The following RBFOX3 variants were observed in gnomAD, a reference collection of about 807,000 sequenced individuals.
RBFOX3 encodes the protein RNA binding fox-1 homolog 3, also known as RNA binding protein fox-1 homolog 3.
In RBFOX3, 17 loss-of-function variants were observed where a neutral mutation model predicts 48.7. That is an observed-to-expected ratio of 0.35 (90% CI 0.24 to 0.52). RBFOX3 has a LOEUF of 0.52. RBFOX3 is among the 20% of genes least tolerant of loss of function. The pLI is 0.94. For synonymous variants in RBFOX3, 212 were observed against 209.5 expected (o/e 1.01, Z -0.10); for missense variants, 382 against 497.5 (o/e 0.77, Z 2.21).
At chr17:79,286,238 C>T (rs73409899) in intron 3 of RBFOX3, among the ~76,000 whole-genome samples, 9,502 of 152,184 alleles carry the variant, frequency 0.062, 1,008 homozygotes, top group African/African-American at 0.22. Context: ...TCATAGTGGC[C>T]ACCTGGAACT....
At chr17:79,110,758 A>G (rs906068451) in intron 5 of RBFOX3, among the ~76,000 whole-genome samples, 6 of 152,156 alleles carry the variant, frequency 3.9e-5, no homozygotes, top group Non-Finnish European at 2.9e-5. Context: ...GTGGCATTTG[A>G]AGAACACAGG....
intron 4 of RBFOX3, among the ~76,000 whole-genome samples, chr17:79,223,998 C>T (rs542265054): frequency 9.2e-5 from 14 of 152,154 alleles, no homozygotes; most frequent in Admixed American, 6.5e-4. Context: ...ATGGCAAGCA[C>T]GATGGAAGGC....
intron 1 of RBFOX3, among the ~76,000 whole-genome samples, chr17:79,524,651 C>T (rs1259756095): frequency 6.6e-6 from 1 of 152,052 alleles, no homozygotes; most frequent in Non-Finnish European, 1.5e-5. Context: ...GGAGCAGGCA[C>T]GGGCACTGGG....
At chr17:79,620,434 CACAT>C in the RBFOX3 span, among the ~76,000 whole-genome samples, 1 of 145,082 alleles carries the variant, frequency 6.9e-6, no homozygotes, top group African/African-American at 2.5e-5. Context: ...CGCACGTGCA[CACAT>C]GCACATGCAC....
chr17:79,380,933 C>T (rs1218964295), intron 2 of RBFOX3, among the ~76,000 whole-genome samples: 1 of 152,204 alleles, frequency 6.6e-6, no homozygotes, highest in East Asian at 1.9e-4. Context: ...GGGAGCCACA[C>T]ATATAATTTT....
At chr17:79,228,806 A>C (rs1383554053) in intron 4 of RBFOX3, among the ~76,000 whole-genome samples, 1 of 152,178 alleles carries the variant, frequency 6.6e-6, no homozygotes, top group African/African-American at 2.4e-5. Flanking sequence ...GCGCTAGTCC[A>C]AACACGTGTG....
At chr17:79,203,487 G>T (rs2057076374) in intron 4 of RBFOX3, among the ~76,000 whole-genome samples, 1 of 37,510 alleles carries the variant, frequency 2.7e-5, no homozygotes, top group Non-Finnish European at 5.1e-5. Flanking sequence ...GAAGGGGCGT[G>T]TAAGGACTGT....
rs1449587956 is a variant in RBFOX3 at position 79,390,887 on chromosome 17, G to A, written c.-174-83063C>T. Among the ~76,000 whole-genome samples, 1 of 152,154 alleles carries A rather than the reference G, an allele frequency of 6.6e-6. No homozygotes were observed. The highest frequency in any genetic ancestry group is 2.4e-5 in the African/African-American group (1 of 41,424). On this transcript the variant is annotated intron_variant, in intron 2 of 14. Coordinates refer to ENST00000693108, the MANE Select transcript of RBFOX3 (RefSeq NM_001350451.2). This position sits in a 1 kb window ranked among gnomAD's most constrained non-coding sequence, Gnocchi z 4.2. ...TTCCTGCCCAGACACCTCGGGATGAGCCCCTGGTGGGACTGCTCGGGTGCC... is the reference window on the plus strand; with the variant it reads ...TTCCTGCCCAGACACCTCGGGATGAACCCCTGGTGGGACTGCTCGGGTGCC...
At chr17:79,101,347 C>T (rs1022403291) in intron 9 of RBFOX3, among the ~76,000 whole-genome samples, 14 of 152,180 alleles carry the variant, frequency 9.2e-5, no homozygotes, top group Admixed American at 9.2e-4. Context: ...AGTGAGACTC[C>T]AGCTATGGCT....
chr17:79,570,106 G>T (rs1383401265), intron 1 of RBFOX3, among the ~76,000 whole-genome samples: 1 of 150,338 alleles, frequency 6.7e-6, no homozygotes, highest in Admixed American at 6.6e-5. Flanking sequence ...TGGATGGATG[G>T]ATAGGTAGAT....
At chr17:79,110,555 G>A (rs150745719) in intron 5 of RBFOX3, among the ~76,000 whole-genome samples, 2,949 of 152,296 alleles carry the variant, frequency 0.019, 62 homozygotes, top group Admixed American at 0.052. Context: ...CGACAGCGCC[G>A]TCTCCCTTCG....
intron 4 of RBFOX3, among the ~76,000 whole-genome samples, chr17:79,119,124 T>C (rs565382350): frequency 6.6e-6 from 1 of 152,164 alleles, no homozygotes; most frequent in South Asian, 2.1e-4. Context: ...TGCCAATCAC[T>C]CTCACTTGAG....
intron 3 of RBFOX3, among the ~76,000 whole-genome samples, chr17:79,269,396 A>G (rs2067274665): frequency 6.6e-6 from 1 of 152,156 alleles, no homozygotes; most frequent in Non-Finnish European, 1.5e-5. Flanking sequence ...CCAGGACTCA[A>G]CCATCCAAGA....
At chr17:79,115,466 C>T (rs1317332532) in intron 5 of RBFOX3, 28 bp downstream of exon 5, 2 of 1,287,960 alleles carry the variant, frequency 1.6e-6, no homozygotes, top group Non-Finnish European at 2.0e-6. Flanking sequence ...AGCTCCAGGG[C>T]TGGGCCTGGG....
In RBFOX3 at chr17:79,103,267, G is replaced by A. The variant is rs1261402909; in HGVS notation, c.415-13C>T. 4 of 1,541,008 alleles carry A rather than the reference G, an allele frequency of 2.6e-6. No individual in the cohort carries two copies. The highest frequency in any genetic ancestry group is 1.4e-5 in the African/African-American group (1 of 72,896). ...CAAACCCAAAACCCTGTGAGCAGAG[G>A]AGAGGGAAGGACAGGCACGGAGAGG... On this transcript the variant is annotated splice_polypyrimidine_tract_variant and intron_variant, in intron 7 of 14. Coordinates refer to ENST00000693108, the MANE Select transcript of RBFOX3 (RefSeq NM_001350451.2). The surrounding 1 kb of genome is among the most constrained non-coding windows in gnomAD (Gnocchi z 6.1).
At chr17:79,202,611 C>T (rs559949035) in intron 4 of RBFOX3, among the ~76,000 whole-genome samples, 6 of 152,348 alleles carry the variant, frequency 3.9e-5, no homozygotes, top group African/African-American at 9.6e-5. Flanking sequence ...TGCCCCAGAT[C>T]GCCTGGCTTG....
In RBFOX3 at chr17:79,480,825, T is replaced by G. The variant is rs2078670767; in HGVS notation, c.-175+1629A>C. On this transcript the variant is annotated intron_variant, in intron 2 of 14. Coordinates refer to ENST00000693108, the MANE Select transcript of RBFOX3 (RefSeq NM_001350451.2). This position sits in a 1 kb window ranked among gnomAD's most constrained non-coding sequence, Gnocchi z 4.8. ...CCCCGTGGTCTTAATGCACTGCATT[T>G]ATCTTCACAGCGTTATGGCGCCTGA... is the stretch of plus-strand genomic sequence containing the variant. Among the ~76,000 whole-genome samples, 1 of 152,242 alleles carries G rather than the reference T, an allele frequency of 6.6e-6. No individual in the cohort carries two copies. The highest frequency in any genetic ancestry group is 2.1e-4 in the South Asian group (1 of 4,836).
At chr17:79,293,099 A>C (rs1037140704) in intron 3 of RBFOX3, among the ~76,000 whole-genome samples, 12 of 152,146 alleles carry the variant, frequency 7.9e-5, no homozygotes, top group Non-Finnish European at 8.8e-5. Context: ...ATTATATTTC[A>C]TAGTTTTTCA....
intron 2 of RBFOX3, among the ~76,000 whole-genome samples, chr17:79,312,718 G>A (rs2077022917): frequency 6.6e-6 from 1 of 152,182 alleles, no homozygotes; most frequent in Non-Finnish European, 1.5e-5. Context: ...AAGACCTCAG[G>A]GGTCTCTGGA....
Sources: gnomAD v4.1 joint callset for allele counts (sites outside exome capture counted in the v4.1 genomes callset) on GRCh38, gnomAD v4.1.1 for gene constraint, Gnocchi (gnomAD v3.1) non-coding constraint, MANE v1.5 for transcripts, NCBI Gene and HGNC (gene_info 2026-07-23, HGNC 2026-07-21) for gene names.